MAGI1: variants seen among roughly 807,000 people sequenced by gnomAD.
MAGI1 encodes membrane associated guanylate kinase, WW and PDZ domain containing 1, also known as membrane-associated guanylate kinase, WW and PDZ domain-containing protein 1.
Under a neutral mutation model 139.9 loss-of-function variants are expected in MAGI1, and 58 were observed. The observed-to-expected ratio is 0.41, with a 90% CI of 0.34 to 0.52. The LOEUF is 0.52. MAGI1 is among the 20% of genes least tolerant of loss of function. The probability of loss-of-function intolerance (pLI) is 0.12; values close to 1 mark genes in which losing one functional copy is unlikely to be tolerated. For synonymous variants in MAGI1, 812 were observed against 737.9 expected (o/e 1.10, Z -1.63); for missense variants, 1,874 against 1,901.6 (o/e 0.99, Z 0.27).
intron 1 of MAGI1, among the ~76,000 whole-genome samples, chr3:65,943,971 A>G (rs542204802): frequency 4.5e-4 from 69 of 152,286 alleles, no homozygotes; most frequent in Middle Eastern, 6.8e-3. Context: ...ACAGGGCAGC[A>G]TCATATAGCT....
In MAGI1 at chr3:65,967,969, G is replaced by A. The variant is rs2064840191; in HGVS notation, c.313+70027C>T. 2.0e-5 allele frequency among the ~76,000 whole-genome samples: 3 copies of A among 152,192 alleles called. No homozygotes were observed. The South Asian group carries it at 6.2e-4, about 32-fold the overall frequency. On this transcript the variant is annotated intron_variant, in intron 1 of 22. Transcript: ENST00000402939. ...GGAAACTGAGGCAGTGCTCTCAAAGGAGACAGGTTATGTCTTTCACAAATG... is the reference window on the plus strand; with the variant it reads ...GGAAACTGAGGCAGTGCTCTCAAAGAAGACAGGTTATGTCTTTCACAAATG...
intron 1 of MAGI1, among the ~76,000 whole-genome samples, chr3:66,006,433 A>G (rs1237820724): frequency 5.9e-5 from 9 of 152,168 alleles, no homozygotes. Flanking sequence ...ATATATACAC[A>G]CATATAGGTA....
intron 1 of MAGI1, among the ~76,000 whole-genome samples, chr3:66,024,315 T>TAA (rs34593257): frequency 2.2e-4 from 21 of 95,742 alleles, no homozygotes; most frequent in East Asian, 6.2e-4. Context: ...CAAAGTTCAT[T>TAA]AAAAAAAAAA....
chr3:65,526,230 G>T (rs886870226), intron 2 of MAGI1, among the ~76,000 whole-genome samples: 1 of 152,052 alleles, frequency 6.6e-6, no homozygotes, highest in African/African-American at 2.4e-5. Flanking sequence ...CACTGTGAAG[G>T]TGTTGTTGAC....
chr3:66,017,481 A>T (rs1331345472), intron 1 of MAGI1, among the ~76,000 whole-genome samples: 1 of 152,194 alleles, frequency 6.6e-6, no homozygotes, highest in African/African-American at 2.4e-5. Flanking sequence ...CCTGAAGGGG[A>T]TCCTGCCACC....
At chr3:65,399,351 G>A (rs1368761994) in intron 13 of MAGI1, among the ~76,000 whole-genome samples, 1 of 152,146 alleles carries the variant, frequency 6.6e-6, no homozygotes, top group African/African-American at 2.4e-5. Flanking sequence ...TTCAAACTGG[G>A]AAAGGGAAAC....
intron 2 of MAGI1, among the ~76,000 whole-genome samples, chr3:65,581,695 A>C (rs764770779): frequency 1.3e-5 from 2 of 152,074 alleles, no homozygotes; most frequent in Non-Finnish European, 2.9e-5. Flanking sequence ...GCCCTACTGA[A>C]ACCTGCCATT....
At chr3:65,456,733 C>G (rs1949416290) in intron 5 of MAGI1, among the ~76,000 whole-genome samples, 1 of 152,084 alleles carries the variant, frequency 6.6e-6, no homozygotes. Context: ...AGCTTACATG[C>G]CTCTGGTCGT....
chr3:65,817,630 G>A (rs376873690), intron 1 of MAGI1, among the ~76,000 whole-genome samples: 238 of 152,312 alleles, frequency 1.6e-3, no homozygotes, highest in African/African-American at 5.4e-3. Flanking sequence ...AGTAGTGTTA[G>A]AAAAGAAAGA....
chr3:65,765,645 T>C (rs767918059), intron 1 of MAGI1, among the ~76,000 whole-genome samples: 4 of 152,204 alleles, frequency 2.6e-5, no homozygotes, highest in Non-Finnish European at 5.9e-5. Flanking sequence ...GAGCTCCTGC[T>C]CTTTAGAAAT....
chr3:65,540,641 T>A (rs568488522), intron 2 of MAGI1, among the ~76,000 whole-genome samples: 1 of 152,240 alleles, frequency 6.6e-6, no homozygotes, highest in African/African-American at 2.4e-5. Flanking sequence ...AAACTATCTA[T>A]TGGACAGAGC....
chr3:65,715,623 C>T (rs1387644553), intron 1 of MAGI1, among the ~76,000 whole-genome samples: 1 of 152,128 alleles, frequency 6.6e-6, no homozygotes, highest in African/African-American at 2.4e-5. Flanking sequence ...TACACACAAG[C>T]ACCACCGTTT....
chr3:65,391,125 G>C lies in MAGI1; in HGVS notation c.2416+17C>G, dbSNP rs781422454. On this transcript the variant is annotated intron_variant, in intron 14 of 22. Coordinates refer to ENST00000402939, the MANE Select transcript of MAGI1 (RefSeq NM_001033057.2). ...GCGGAGGGGTCAGGGTAAGACAGAG[G>C]CCAGGATGCTACTCACGTCGGTTTT... 1.2e-6 allele frequency: 2 copies of C among 1,610,142 alleles called. No homozygotes were observed. Among genetic ancestry groups the C allele is most frequent in the Non-Finnish European group, 1.7e-6 (2 of 1,176,472 alleles).
intron 12 of MAGI1, among the ~76,000 whole-genome samples, chr3:65,410,087 T>C (rs925278457): frequency 6.6e-6 from 1 of 152,192 alleles, no homozygotes; most frequent in Non-Finnish European, 1.5e-5. Context: ...CCTAAAGTCA[T>C]AAATACCTTG....
Position 66,038,202 on chromosome 3 carries a change from G to A in MAGI1, c.107C>T (p.Ala36Val), listed in dbSNP as rs1430086411. 1 of 1,612,168 alleles carries A rather than the reference G, an allele frequency of 6.2e-7. No individual in the cohort carries two copies. Among genetic ancestry groups the A allele is most frequent in the Non-Finnish European group, 8.5e-7 (1 of 1,179,734 alleles). ...GELGVTVLGG[A>V]EHGEFPYVGA... Reference sequence around the variant, plus strand: ...GACGTACGGAAACTCCCCGTGCTCCGCGCCTCCCAGCACCGTCACCCCCAG... The same window carrying A: ...GACGTACGGAAACTCCCCGTGCTCCACGCCTCCCAGCACCGTCACCCCCAG... Residue 36 changes from alanine to valine, a missense_variant, in exon 1 of 23, where the codon GCG (alanine) becomes GTG (valine). Transcript: ENST00000402939.
intron 1 of MAGI1, among the ~76,000 whole-genome samples, chr3:65,987,625 T>C (rs1026242350): frequency 1.3e-5 from 2 of 152,040 alleles, no homozygotes; most frequent in South Asian, 2.1e-4. Context: ...GGCAGAGTCT[T>C]ACTCTGTCAC....
chr3:65,660,171 T>C (rs2086114883), intron 1 of MAGI1, among the ~76,000 whole-genome samples: 1 of 152,200 alleles, frequency 6.6e-6, no homozygotes, highest in Non-Finnish European at 1.5e-5. Context: ...ACTTTTACCA[T>C]AGTGAGGTAA....
rs544210172 is a variant in MAGI1, at chr3:65,540,250, G to T, written c.431-46619C>A. 4.6e-5 allele frequency among the ~76,000 whole-genome samples: 7 copies of T among 152,236 alleles called. No individual in the cohort carries two copies. In the East Asian group the frequency reaches 1.4e-3, roughly 29 times the overall value. ...GAGAGAGACTTCTCAGTTTATACAT[G>T]CCTTCCTGGACTACTCTATCTAAAA... On this transcript the variant is annotated intron_variant, in intron 2 of 22. Coordinates refer to ENST00000402939, the MANE Select transcript of MAGI1 (RefSeq NM_001033057.2).
rs1432609707 is a variant in MAGI1, at chr3:65,354,902, CT to C, written c.*1475del. 42 of 143,348 alleles carry C rather than the reference CT, an allele frequency of 2.9e-4. No individual in the cohort carries two copies. Among genetic ancestry groups the C allele is most frequent in the Admixed American group, 3.5e-4 (5 of 14,310 alleles). The allele number at this position is 143,348 out of a possible 1,614,324, so 8.9% of individuals were successfully genotyped here. A position where few individuals can be genotyped will look rare whatever the true frequency, so the allele number is the denominator to read the frequency against. On this transcript the variant is annotated 3_prime_UTR_variant, in exon 23 of 23. Transcript: ENST00000402939. ...GGTTTTCTTTTTTTTTTTCTTTTTC[CT>C]TTTTTTTTTTCTTACAGTACCATGG... is the stretch of plus-strand genomic sequence containing the variant.
Sources: gnomAD v4.1 joint callset for allele counts (sites outside exome capture counted in the v4.1 genomes callset) on GRCh38, gnomAD v4.1.1 for gene constraint, MANE v1.5 for transcripts, NCBI Gene and HGNC (gene_info 2026-07-23, HGNC 2026-07-21) for gene names.